The following MEI1 variants were observed in gnomAD, a reference collection of about 807,000 sequenced individuals.
The protein encoded by MEI1 is meiotic double-stranded break formation protein 1.
MEI1 carries 103 observed loss-of-function variants against 146.2 expected under a neutral mutation model. The observed-to-expected ratio is 0.70, with a 90% confidence interval of 0.60 to 0.83. MEI1 has a LOEUF of 0.83. Ranked by LOEUF, MEI1 falls within the 40% of genes least tolerant of loss-of-function variation. MEI1 has a pLI of 0.00. For synonymous variants in MEI1, 652 were observed against 628.2 expected, an observed-to-expected ratio of 1.04 and a Z score of -0.57; for missense variants, 1,529 against 1,533.0, an observed-to-expected ratio of 1.00 and a Z score of 0.04.
chr22:41,761,954 G>T (rs1019833420), intron 18 of MEI1, among the ~76,000 whole-genome samples: 1 of 152,188 alleles, frequency 6.6e-6, no homozygotes, highest in Non-Finnish European at 1.5e-5. Flanking sequence ...TGTTTGTACC[G>T]TGTATCAGTA....
chr22:41,737,920 T>A (rs561700777), intron 11 of MEI1, among the ~76,000 whole-genome samples: 2 of 148,544 alleles, frequency 1.3e-5, no homozygotes, highest in East Asian at 1.9e-4. Context: ...TAAAAAATAA[T>A]AATAATAACC....
At chr22:41,755,759 T>C (rs1166008621) in intron 17 of MEI1, among the ~76,000 whole-genome samples, 2 of 152,168 alleles carry the variant, frequency 1.3e-5, no homozygotes, top group Non-Finnish European at 2.9e-5. Context: ...CTGAAGGATA[T>C]TTGTTTCATT....
intron 11 of MEI1, among the ~76,000 whole-genome samples, chr22:41,734,350 T>C (rs558848138): frequency 1.3e-5 from 2 of 152,024 alleles, no homozygotes; most frequent in African/African-American, 4.8e-5. Flanking sequence ...CCCAGCACTT[T>C]GGGAGGCTGA....
chr22:41,749,457 T>A (rs2073589838), intron 15 of MEI1, among the ~76,000 whole-genome samples: 1 of 152,100 alleles, frequency 6.6e-6, no homozygotes, highest in Non-Finnish European at 1.5e-5. Context: ...GTATTTTTAG[T>A]AGAGATGGGG....
At chr22:41,750,552 G>A (rs567952717) in intron 15 of MEI1, among the ~76,000 whole-genome samples, 3 of 152,250 alleles carry the variant, frequency 2.0e-5, no homozygotes, top group African/African-American at 7.2e-5. Context: ...AACAAGTTTG[G>A]TGTGTGGGGA....
At chr22:41,741,586 GT>G (rs2147733212) in intron 11 of MEI1, among the ~76,000 whole-genome samples, 1 of 152,314 alleles carries the variant, frequency 6.6e-6, no homozygotes, top group Admixed American at 6.5e-5. Flanking sequence ...ATCTCCAAAA[GT>G]ACTTTTCCAG....
intron 26 of MEI1, among the ~76,000 whole-genome samples, chr22:41,785,555 C>T (rs892877069): frequency 1.3e-5 from 2 of 151,790 alleles, no homozygotes; most frequent in Non-Finnish European, 2.9e-5. Context: ...AGCCACTGCA[C>T]CTGGCCTATT....
At chr22:41,778,644 G>A (rs1375760137) in intron 21 of MEI1, 64 bp from the exon 22 acceptor site, 1 of 1,268,478 alleles carries the variant, frequency 7.9e-7, no homozygotes, top group South Asian at 1.3e-5. Context: ...AGCAGGGCAG[G>A]GTGTCTGACC....
chr22:41,767,715 G>C, intron 19 of MEI1: 1 of 417,902 alleles, frequency 2.4e-6, no homozygotes, highest in South Asian at 1.6e-5. Flanking sequence ...TACCATGTGG[G>C]GCCCTGTCAG....
Position 41,795,807 on chromosome 22 carries a change from C to A in MEI1, c.3739C>A (p.Pro1247Thr), listed in dbSNP as rs1569341608. 2 of 1,613,576 alleles carry A rather than the reference C, an allele frequency of 1.2e-6. No homozygotes were observed. The highest frequency in any genetic ancestry group is 1.7e-6 in the Non-Finnish European group (2 of 1,179,778). The part of the protein sequence containing the change: ...TLQASLEGLP[P>T]STSSGQPPLQ... ...GCAGGCCTCCTTGGAGGGCCTTCCC[C>A]CTAGCACCTCCTCAGGCCAGCCACC... The change falls in exon 30 of 31, where the codon CCT becomes ACT. Residue 1247 changes from proline (P) to threonine (T), a missense_variant. Transcript: ENST00000401548. This position sits in a 1 kb window ranked among gnomAD's most constrained non-coding sequence, Gnocchi z 4.2.
intron 26 of MEI1, among the ~76,000 whole-genome samples, chr22:41,790,267 A>G (rs1032923906): frequency 1.8e-4 from 28 of 152,206 alleles, no homozygotes; most frequent in African/African-American, 6.5e-4. Context: ...TATGTTTAGT[A>G]GAGACAGGGT....
chr22:41,708,202 A>T (rs1328774310), intron 3 of MEI1, among the ~76,000 whole-genome samples: 1 of 152,246 alleles, frequency 6.6e-6, no homozygotes, highest in Non-Finnish European at 1.5e-5. Context: ...CAATAAGGAA[A>T]AAAGGAGAGA....
intron 18 of MEI1, among the ~76,000 whole-genome samples, chr22:41,759,921 C>A (rs181887993): frequency 1.1e-3 from 171 of 152,250 alleles, no homozygotes; most frequent in African/African-American, 4.0e-3. Context: ...CATCTGTAAT[C>A]CCAGCACTTT....
At chr22:41,732,370 C>T (rs1412338198) in intron 10 of MEI1, 26 bp downstream of exon 10, 2 of 1,613,064 alleles carry the variant, frequency 1.2e-6, no homozygotes, top group East Asian at 2.2e-5. Context: ...GAACATGAGG[C>T]TTGTAGGGGC....
chr22:41,723,398 A>G (rs1214855678), intron 6 of MEI1, among the ~76,000 whole-genome samples: 1 of 152,028 alleles, frequency 6.6e-6, no homozygotes, highest in African/African-American at 2.4e-5. Context: ...TTTTTTTACT[A>G]GAGAGGGGGT....
At chr22:41,792,226 GTCC>G (rs2076205010) in intron 26 of MEI1, among the ~76,000 whole-genome samples, 2 of 152,130 alleles carry the variant, frequency 1.3e-5, no homozygotes, top group African/African-American at 2.4e-5. Context: ...CTGGGTGCTG[GTCC>G]TCCTTGACAC....
At position 41,758,359 on chromosome 22, in the gene MEI1, C is replaced by A; in HGVS notation, c.1952-6C>A. On this transcript the variant is annotated splice_region_variant and splice_polypyrimidine_tract_variant and intron_variant, in intron 17 of 30. Coordinates refer to ENST00000401548, the MANE Select transcript of MEI1 (RefSeq NM_152513.4). The stretch of plus-strand genomic sequence containing the variant: ...TGTGGCTTTCCTCTACTTATTCCCT[C>A]CCTAGAACTCTCTGCAGTGTCTGAG... 1.2e-6 allele frequency: 2 copies of A among 1,610,948 alleles called. No individual in the cohort carries two copies. Among genetic ancestry groups the A allele is most frequent in the Non-Finnish European group, 1.7e-6 (2 of 1,177,912 alleles).
At chr22:41,730,973 C>G (rs889675037) in intron 9 of MEI1, among the ~76,000 whole-genome samples, 1 of 151,736 alleles carries the variant, frequency 6.6e-6, no homozygotes, top group Non-Finnish European at 1.5e-5. Flanking sequence ...CCGCAGATAT[C>G]TAACCATCCA....
At chr22:41,707,362 C>T (rs1052834111) in intron 3 of MEI1, among the ~76,000 whole-genome samples, 1 of 152,082 alleles carries the variant, frequency 6.6e-6, no homozygotes. Flanking sequence ...GGAGGAAGGG[C>T]CTAGTTATGA....
Sources: allele counts gnomAD v4.1 joint callset (sites outside exome capture counted in the v4.1 genomes callset), GRCh38; gene constraint gnomAD v4.1.1; non-coding constraint Gnocchi (gnomAD v3.1); transcripts MANE v1.5; gene names NCBI Gene and HGNC (gene_info 2026-07-23, HGNC 2026-07-21).